Variants in DCUN1D4 observed in about 807,000 individuals in gnomAD.
DCUN1D4 encodes DCN1-like protein 4.
Under a neutral mutation model 47.9 loss-of-function variants are expected in DCUN1D4, and 22 were observed. The observed-to-expected ratio is 0.46, with a 90% CI of 0.33 to 0.66. The LOEUF (loss-of-function observed/expected upper bound fraction) is 0.66. Among genes scored for constraint, DCUN1D4 ranks in the 30% least tolerant of loss-of-function variants. DCUN1D4 has a pLI of 0.02. For missense variants in DCUN1D4, 301 were observed against 340.8 expected, an observed-to-expected ratio of 0.88 and a Z score of 0.92; for synonymous variants, 121 against 112.2, an observed-to-expected ratio of 1.08 and a Z score of -0.50.
the DCUN1D4 span, among the ~76,000 whole-genome samples, chr4:51,834,560 C>T: frequency 6.6e-6 from 1 of 152,072 alleles, no homozygotes; most frequent in African/African-American, 2.4e-5. Flanking sequence ...GCTCCTTCTC[C>T]ACGGCTTTCC....
chr4:51,913,140 C>T (rs763985127), intron 9 of DCUN1D4, 150 bp from the exon 10 acceptor site: 14 of 472,656 alleles, frequency 3.0e-5, no homozygotes, highest in Non-Finnish European at 4.1e-5. Context: ...TGCTCTCCCT[C>T]ACCATCCTCC....
intron 8 of DCUN1D4, among the ~76,000 whole-genome samples, chr4:51,904,339 C>G (rs1732555825): frequency 6.6e-6 from 1 of 152,144 alleles, no homozygotes; most frequent in Admixed American, 6.5e-5. Context: ...CTGGGGACTT[C>G]TGCTCACTCA....
At chr4:51,896,456 C>T (rs1479718511) in intron 7 of DCUN1D4, among the ~76,000 whole-genome samples, 1 of 152,170 alleles carries the variant, frequency 6.6e-6, no homozygotes. Context: ...AACTACCAGT[C>T]AAATCTATGG....
chr4:51,890,629 T>C (rs887112756), intron 6 of DCUN1D4, among the ~76,000 whole-genome samples: 27 of 152,306 alleles, frequency 1.8e-4, no homozygotes, highest in African/African-American at 6.3e-4. Flanking sequence ...CCCTCTTCTT[T>C]ACCTTTTTAG....
At chr4:51,864,187 C>A (rs532333941) in intron 3 of DCUN1D4, among the ~76,000 whole-genome samples, 266 of 152,228 alleles carry the variant, frequency 1.7e-3, no homozygotes, top group Non-Finnish European at 3.1e-3. Context: ...ATTATGATCA[C>A]CTGAGGGAAG....
intron 8 of DCUN1D4, among the ~76,000 whole-genome samples, chr4:51,910,011 A>G (rs981739047): frequency 1.5e-4 from 23 of 152,230 alleles, no homozygotes; most frequent in Non-Finnish European, 2.8e-4. Context: ...ATCAGGAGGT[A>G]TATATGGCTG....
chr4:51,843,567 A>G (rs1266953672), intron 1 of DCUN1D4: 4 of 1,114,786 alleles, frequency 3.6e-6, no homozygotes, highest in African/African-American at 1.9e-5. Flanking sequence ...AAGGGCCGAG[A>G]TCGGAGTGTC....
chr4:51,892,947 T>C (rs1333151267), intron 7 of DCUN1D4, among the ~76,000 whole-genome samples: 2 of 152,270 alleles, frequency 1.3e-5, no homozygotes. Flanking sequence ...TGTCCACTTT[T>C]AATATCACTG....
At chr4:51,904,819 C>G (rs1422786070) in intron 8 of DCUN1D4, among the ~76,000 whole-genome samples, 3 of 152,016 alleles carry the variant, frequency 2.0e-5, no homozygotes, top group Non-Finnish European at 4.4e-5. Context: ...CTGTTTTTTC[C>G]TACTAGAAAA....
Position 51,913,684 on chromosome 4 carries a change from C to A in DCUN1D4, c.*100C>A. ...ATCAAAGCGCATGCTGCTTCTCTTG[C>A]ACTGTTTCCCTTTCGCAGGGACATG... On this transcript the variant is annotated 3_prime_UTR_variant, in exon 11 of 11. Coordinates refer to ENST00000334635, the MANE Select transcript of DCUN1D4 (RefSeq NM_001040402.3). 9.3e-7 allele frequency: 1 copy of A among 1,070,498 alleles called. No individual in the cohort carries two copies. 66.3% of individuals were successfully genotyped at this position (1,070,498 alleles called of 1,614,324 possible). A position where few individuals can be genotyped will look rare whatever the true frequency, so the allele number is the denominator to read the frequency against.
At chr4:51,863,528 C>T in intron 2 of DCUN1D4, 21 bp downstream of exon 2, 1 of 1,598,510 alleles carries the variant, frequency 6.3e-7, no homozygotes, top group Non-Finnish European at 8.6e-7. Flanking sequence ...CTTTTAAAGA[C>T]AAAATTACCA....
intron 5 of DCUN1D4, among the ~76,000 whole-genome samples, chr4:51,881,954 G>C (rs561725113): frequency 6.6e-6 from 1 of 152,078 alleles, no homozygotes; most frequent in African/African-American, 2.4e-5. Flanking sequence ...GATCGTTTGA[G>C]CTAAGGAGTT....
intron 1 of DCUN1D4, among the ~76,000 whole-genome samples, chr4:51,856,788 T>C (rs1443613002): frequency 6.6e-6 from 1 of 152,334 alleles, no homozygotes. Context: ...AATCACATTT[T>C]ATATAGAGGT....
intron 1 of DCUN1D4, among the ~76,000 whole-genome samples, chr4:51,845,508 T>G (rs773345662): frequency 2.6e-5 from 4 of 152,218 alleles, no homozygotes; most frequent in Non-Finnish European, 5.9e-5. Flanking sequence ...CAGGCTGCAA[T>G]TCCTTCTCTC....
chr4:51,901,947 C>G (rs1553928321), intron 8 of DCUN1D4, among the ~76,000 whole-genome samples: 1 of 151,786 alleles, frequency 6.6e-6, no homozygotes, highest in Non-Finnish European at 1.5e-5. Context: ...TTCTTTTTTG[C>G]TTTGTTTTGT....
chr4:51,834,117 T>TTTTTTTTTTG, the DCUN1D4 span, among the ~76,000 whole-genome samples: 7 of 139,588 alleles, frequency 5.0e-5, 1 homozygote, highest in African/African-American at 1.9e-4. Context: ...TTTTTTTCTT[T>TTTTTTTTTTG]TTTTTTTTTT....
chr4:51,863,614 T>C (rs1725431092), intron 2 of DCUN1D4, 56 bp from the exon 3 acceptor site: 8 of 1,596,978 alleles, frequency 5.0e-6, no homozygotes, highest in Admixed American at 1.7e-5. Context: ...ATCAGTTGTT[T>C]ATGAAAATGC....
chr4:51,881,681 GAAAAA>G (rs1212711589), intron 5 of DCUN1D4, among the ~76,000 whole-genome samples: 1 of 136,598 alleles, frequency 7.3e-6, no homozygotes, highest in Admixed American at 7.3e-5. Flanking sequence ...AAAAAAACAA[GAAAAA>G]AAAAACCTCT....
rs1173023757 is a variant in DCUN1D4, at chr4:51,915,115, T to TA, written c.*1531_*1532insA. On this transcript the variant is annotated 3_prime_UTR_variant, in exon 11 of 11. Coordinates refer to ENST00000334635, the MANE Select transcript of DCUN1D4 (RefSeq NM_001040402.3). ...ATGTGATCGTTTAAATGGCATTAAG[T>TA]GAATAAAGCACACAGACAGTGCTAC... 1 of 152,568 alleles carries TA rather than the reference T, an allele frequency of 6.6e-6. No individual in the cohort carries two copies. The highest frequency in any genetic ancestry group is 2.4e-5 in the African/African-American group (1 of 41,442). The allele number at this position is 152,568 out of a possible 1,614,324, so 9.5% of individuals were successfully genotyped here. A position where few individuals can be genotyped will look rare whatever the true frequency, so the allele number is the denominator to read the frequency against.
Sources: gnomAD v4.1 joint callset for allele counts (sites outside exome capture counted in the v4.1 genomes callset) on GRCh38, gnomAD v4.1.1 for gene constraint, MANE v1.5 for transcripts, NCBI Gene and HGNC (gene_info 2026-07-23, HGNC 2026-07-21) for gene names.